Variants in CHST6 observed in about 807,000 individuals in gnomAD.
The protein encoded by CHST6 is N-acetylglucosamine 6-O-sulfotransferase 5.
For synonymous variants in CHST6, 309 were observed against 276.4 expected, an observed-to-expected ratio of 1.12 and a Z score of -1.17; for missense variants, 698 against 586.2, an observed-to-expected ratio of 1.19 and a Z score of -1.97.
chr16:75,487,633 A>G (rs2080213366), intron 1 of CHST6, among the ~76,000 whole-genome samples: 1 of 151,772 alleles, frequency 6.6e-6, no homozygotes, highest in African/African-American at 2.4e-5. Flanking sequence ...CCCTGTCTCT[A>G]CTAAAAATAC....
At chr16:75,487,153 C>T (rs750537923) in intron 1 of CHST6, among the ~76,000 whole-genome samples, 7 of 152,210 alleles carry the variant, frequency 4.6e-5, no homozygotes, top group Non-Finnish European at 7.3e-5. Context: ...GGCTTTCTGC[C>T]GAGCACCTTA....
At position 75,477,515 on chromosome 16, in the gene CHST6, G is replaced by C. The variant is rs1340568007; in HGVS notation, c.*1126C>G. The C allele has an allele frequency of 2.6e-5, 4 of 152,210 alleles. No individual in the cohort carries two copies. Among genetic ancestry groups the C allele is most frequent in the Non-Finnish European group, 5.9e-5 (4 of 68,064 alleles). The allele number at this position is 152,210 out of a possible 1,614,324, so 9.4% of individuals were successfully genotyped here. A position where few individuals can be genotyped will look rare whatever the true frequency, so the allele number is the denominator to read the frequency against. ...CCAGCTCTGTGTTCCAATGTGACTT[G>C]GGTTCATTTATGTGGCTAACTCAAC... is the stretch of plus-strand genomic sequence containing the variant. On this transcript the variant is annotated 3_prime_UTR_variant, in exon 3 of 3. Coordinates refer to ENST00000332272, the MANE Select transcript of CHST6 (RefSeq NM_021615.5).
chr16:75,474,545 G>C lies in CHST6; in HGVS notation c.*4096C>G. The C allele has an allele frequency of 5.0e-6, 2 of 398,290 alleles. No homozygotes were observed. Among genetic ancestry groups the C allele is most frequent in the Non-Finnish European group, 8.8e-6 (2 of 226,006 alleles). 24.7% of individuals were successfully genotyped at this position (398,290 alleles called of 1,614,324 possible). On this transcript the variant is annotated 3_prime_UTR_variant, in exon 3 of 3. Transcript: ENST00000332272. Reference sequence around the variant, plus strand: ...CCTGCCTCAGCCTTGCAAAGTATTGGGATTACAGGCGTGAGCCACTGAACC... The same window carrying C: ...CCTGCCTCAGCCTTGCAAAGTATTGCGATTACAGGCGTGAGCCACTGAACC...
rs2080048114 is a variant in CHST6, at chr16:75,474,606, G to A, written c.*4035C>T. 2.5e-6 allele frequency: 1 copy of A among 398,730 alleles called. No homozygotes were observed. The highest frequency in any genetic ancestry group is 4.4e-6 in the Non-Finnish European group (1 of 226,314). 24.7% of individuals were successfully genotyped at this position (398,730 alleles called of 1,614,324 possible). ...CATATATAATAAATAGAAGTGTATT[G>A]GCTTACAGTTCTGGAGGCTGGGAAG... On this transcript the variant is annotated 3_prime_UTR_variant, in exon 3 of 3. Transcript: ENST00000332272.
chr16:75,489,945 G>A (rs945985003), intron 1 of CHST6, among the ~76,000 whole-genome samples: 3 of 151,966 alleles, frequency 2.0e-5, no homozygotes, highest in African/African-American at 4.8e-5. Context: ...GGGAGGCCGA[G>A]GTGTGTGGAT....
intron 1 of CHST6, among the ~76,000 whole-genome samples, 161 bp downstream of exon 1, chr16:75,494,779 G>A (rs2080291943): frequency 1.3e-5 from 2 of 152,234 alleles, no homozygotes; most frequent in Non-Finnish European, 2.9e-5. Context: ...CAGCGGCGAT[G>A]CCCTTTCCAC....
rs2080038915 is a variant in CHST6 at position 75,473,778 on chromosome 16, T to C, written c.*4863A>G. 6.6e-6 allele frequency: 1 copy of C among 152,224 alleles called. No homozygotes were observed. The highest frequency in any genetic ancestry group is 2.1e-4 in the South Asian group (1 of 4,832). The allele number at this position is 152,224 out of a possible 1,614,324, so 9.4% of individuals were successfully genotyped here. A position where few individuals can be genotyped will look rare whatever the true frequency, so the allele number is the denominator to read the frequency against. ...TGGTCATCCTATCTCTACAAATTTATTGTATTTTTTAAAAATGCTGTGTAA... is the reference window on the plus strand; with the variant it reads ...TGGTCATCCTATCTCTACAAATTTACTGTATTTTTTAAAAATGCTGTGTAA... On this transcript the variant is annotated 3_prime_UTR_variant, in exon 3 of 3. Transcript: ENST00000332272.
rs1237247087 is a variant in CHST6 at position 75,479,161 on chromosome 16, C to T, written c.668G>A (p.Gly223Asp). The T allele has an allele frequency of 6.2e-7, 1 of 1,607,576 alleles. No homozygotes were observed. The highest frequency in any genetic ancestry group is 8.5e-7 in the Non-Finnish European group (1 of 1,178,964). ...QTAKALARDNGIVLGTNGTWV... is the reference protein window; with the variant it reads ...QTAKALARDNDIVLGTNGTWV... ...CGTGCCGTTGGTGCCCAGCACGATG[C>T]CGTTGTCACGCGCCAGAGCCTTGGC... The change falls in exon 3 of 3, where the codon GGC (glycine) becomes GAC (aspartate). Residue 223 changes from glycine to aspartate, a missense_variant. Physicochemically the swap from Gly to Asp is moderately conservative, Grantham distance 94 (BLOSUM62 -1). Coordinates refer to ENST00000332272, the MANE Select transcript of CHST6 (RefSeq NM_021615.5).
chr16:75,491,536 A>T (rs1567416331), intron 1 of CHST6, among the ~76,000 whole-genome samples: 1 of 151,594 alleles, frequency 6.6e-6, no homozygotes, highest in Non-Finnish European at 1.5e-5. Context: ...CGCCTGGCTA[A>T]TTTTTTGTAT....
chr16:75,493,440 C>A (rs2080277528), intron 1 of CHST6, among the ~76,000 whole-genome samples: 1 of 149,416 alleles, frequency 6.7e-6, no homozygotes, highest in Non-Finnish European at 1.5e-5. Context: ...ACCTGGGATG[C>A]GGAGAGGTTG....
At chr16:75,489,694 G>A (rs1376334162) in intron 1 of CHST6, among the ~76,000 whole-genome samples, 1 of 151,894 alleles carries the variant, frequency 6.6e-6, no homozygotes, top group African/African-American at 2.4e-5. Flanking sequence ...TCTACAGAAT[G>A]GGACTTGTAC....
intron 1 of CHST6, among the ~76,000 whole-genome samples, chr16:75,482,441 G>A (rs1006892204): frequency 1.3e-5 from 2 of 152,120 alleles, no homozygotes; most frequent in Non-Finnish European, 2.9e-5. Flanking sequence ...GGGAGGCTGA[G>A]GCAGGAAAAT....
At chr16:75,490,647 C>G (rs2080244091) in intron 1 of CHST6, 1 of 151,872 alleles carries the variant, frequency 6.6e-6, no homozygotes, top group Admixed American at 6.6e-5. Flanking sequence ...CGTGGGGATC[C>G]TCATAAAATG....
chr16:75,491,174 AAAAAAAAAAAAAAAAAAT>A (rs1199053911), intron 1 of CHST6, among the ~76,000 whole-genome samples: 3 of 72,352 alleles, frequency 4.1e-5, no homozygotes, highest in African/African-American at 2.0e-4. Context: ...TTAAAAAAAA[AAAAAAAAAAAAAAAAAAT>A]ATATATATAT....
Position 75,479,496 on chromosome 16 carries a change from C to A in CHST6, c.333G>T (p.Leu111=). 5.0e-6 allele frequency: 8 copies of A among 1,612,988 alleles called. No individual in the cohort carries two copies. Among genetic ancestry groups the A allele is most frequent in the Non-Finnish European group, 6.8e-6 (8 of 1,179,882 alleles). ...LCDMDVFDAY[L]PWRRNLSDLF... ...GGTCGGACAGGTTGCGGCGCCAAGG[C>A]AGATAGGCATCAAACACGTCCATGT... Residue 111 remains leucine (L), a synonymous_variant, in exon 3 of 3, where the codon CTG becomes CTT. Coordinates refer to ENST00000332272, the MANE Select transcript of CHST6 (RefSeq NM_021615.5).
rs377445537 is a variant in CHST6, at chr16:75,487,838, A to G, written c.-91-5947T>C. On this transcript the variant is annotated intron_variant, in intron 1 of 2. Coordinates refer to ENST00000332272, the MANE Select transcript of CHST6 (RefSeq NM_021615.5). ...AAAAAAAAAAAAAAAAAGAGAAAAA[A>G]TACAAAAATTAGCCAGGTGTGGTGG... Among the ~76,000 whole-genome samples the G allele has an allele frequency of 5.2e-3, 786 of 150,392 alleles. 6 individuals are homozygous for G. Among genetic ancestry groups the G allele is most frequent in the African/African-American group, 0.018 (744 of 40,872 alleles).
intron 1 of CHST6, among the ~76,000 whole-genome samples, chr16:75,491,883 T>C (rs2650415): frequency 0.057 from 8,668 of 152,188 alleles, 459 homozygotes; most frequent in African/African-American, 0.14. Context: ...TCCAGGGGCA[T>C]GAATTACCCG....
In CHST6 at chr16:75,483,038, A is replaced by G. The variant is rs377438137; in HGVS notation, c.-91-1147T>C. 1.4e-4 allele frequency among the ~76,000 whole-genome samples: 21 copies of G among 152,372 alleles called. 3 individuals are homozygous for G. The highest frequency in any genetic ancestry group is 6.5e-4 in the Admixed American group (10 of 15,310). Reference sequence around the variant, plus strand: ...AGAAGGGAACTCATTTTCTGACTTCAATGATCACAAGTGCTAGGTGCTTCA... The same window carrying G: ...AGAAGGGAACTCATTTTCTGACTTCGATGATCACAAGTGCTAGGTGCTTCA... On this transcript the variant is annotated intron_variant, in intron 1 of 2. Coordinates refer to ENST00000332272, the MANE Select transcript of CHST6 (RefSeq NM_021615.5).
intron 1 of CHST6, among the ~76,000 whole-genome samples, chr16:75,490,173 C>CAAAAA (rs58903978): frequency 9.8e-5 from 4 of 40,616 alleles, no homozygotes; most frequent in East Asian, 1.2e-3. Flanking sequence ...GACTTTGCCT[C>CAAAAA]AAAAAAAAAA....
Sources: allele counts gnomAD v4.1 joint callset (sites outside exome capture counted in the v4.1 genomes callset), GRCh38; gene constraint gnomAD v4.1.1; transcripts MANE v1.5; gene names NCBI Gene and HGNC (gene_info 2026-07-23, HGNC 2026-07-21).